The following CHPT1 variants were observed in gnomAD, a reference collection of about 807,000 sequenced individuals.
The protein encoded by CHPT1 is cholinephosphotransferase 1.
Under a neutral mutation model 47.6 loss-of-function variants are expected in CHPT1, and 36 were observed. That is an observed-to-expected ratio of 0.76 (90% confidence interval 0.58 to 1.00). CHPT1 has a LOEUF of 1.00. CHPT1 is among the 50% of genes least tolerant of loss of function. The pLI, the probability that CHPT1 is intolerant of heterozygous loss-of-function variation, is 0.00. For missense variants in CHPT1, 458 were observed against 498.1 expected (o/e 0.92, Z 0.77); for synonymous variants, 194 against 186.3 (o/e 1.04, Z -0.33).
intron 3 of CHPT1, 59 bp from the exon 4 acceptor site, chr12:101,716,669 T>C: frequency 9.4e-7 from 1 of 1,061,876 alleles, no homozygotes; most frequent in Admixed American, 2.2e-5. Context: ...GTGATGAACC[T>C]CCATATTCAG....
chr12:101,721,495 A>G (rs951403469), intron 5 of CHPT1, among the ~76,000 whole-genome samples: 17 of 152,214 alleles, frequency 1.1e-4, no homozygotes, highest in Admixed American at 9.8e-4. Flanking sequence ...GACAATTTCA[A>G]AGGGATCCTC....
chr12:101,720,193 G>T lies in CHPT1; in HGVS notation c.719G>T (p.Cys240Phe). Reference protein sequence around the residue: ...LGFLGGVIFSCSNYFHVILHG... With the variant: ...LGFLGGVIFSFSNYFHVILHG... Reference sequence around the variant, plus strand: ...TTTCTAGGTGGAGTAATATTTTCCTGTTCAAATTATTTCCATGTTATCCTC... The same window carrying T: ...TTTCTAGGTGGAGTAATATTTTCCTTTTCAAATTATTTCCATGTTATCCTC... The change falls in exon 5 of 9, where the codon TGT becomes TTT. Residue 240 changes from cysteine (C) to phenylalanine (F), a missense_variant. Cys to Phe is a radical substitution (Grantham distance 205, BLOSUM62 -2). Coordinates refer to ENST00000229266, the MANE Select transcript of CHPT1 (RefSeq NM_020244.3). The T allele has an allele frequency of 6.2e-7, 1 of 1,601,540 alleles. No individual in the cohort carries two copies. The highest frequency in any genetic ancestry group is 8.5e-7 in the Non-Finnish European group (1 of 1,173,110).
At chr12:101,714,760 A>C in intron 3 of CHPT1, 115 bp downstream of exon 3, 1 of 1,090,488 alleles carries the variant, frequency 9.2e-7, no homozygotes, top group Non-Finnish European at 1.3e-6. Context: ...AACTTAAATT[A>C]ATTCGTCGGA....
chr12:101,709,174 T>C (rs1335022327), intron 1 of CHPT1, among the ~76,000 whole-genome samples: 3 of 147,840 alleles, frequency 2.0e-5, no homozygotes, highest in African/African-American at 7.3e-5. Flanking sequence ...GGCAGAAGGA[T>C]AGTTTGAGGC....
At chr12:101,721,494 A>G (rs1467473125) in intron 5 of CHPT1, among the ~76,000 whole-genome samples, 1 of 152,226 alleles carries the variant, frequency 6.6e-6, no homozygotes, top group African/African-American at 2.4e-5. Flanking sequence ...AGACAATTTC[A>G]AAGGGATCCT....
At chr12:101,720,033 T>C (rs1951826374) in intron 4 of CHPT1, 90 bp from the exon 5 acceptor site, 1 of 745,554 alleles carries the variant, frequency 1.3e-6, no homozygotes, top group Non-Finnish European at 2.0e-6. Context: ...GGATAGCTTA[T>C]TGTACAGGGC....
At chr12:101,716,379 G>T (rs1951763618) in intron 3 of CHPT1, among the ~76,000 whole-genome samples, 1 of 152,004 alleles carries the variant, frequency 6.6e-6, no homozygotes, top group African/African-American at 2.4e-5. Context: ...TTTTCCTTAT[G>T]TACACAAGTA....
intron 3 of CHPT1, 72 bp from the exon 4 acceptor site, chr12:101,716,656 T>TA: frequency 1.2e-6 from 1 of 868,432 alleles, no homozygotes; most frequent in Non-Finnish European, 1.8e-6. Flanking sequence ...TGCTATTTAA[T>TA]ATGTGATGAA....
At position 101,719,950 on chromosome 12, in the gene CHPT1, AAAGT is replaced by A. The variant is rs1173747386; in HGVS notation, c.649-172_649-169del. On this transcript the variant is annotated intron_variant, in intron 4 of 8. Coordinates refer to ENST00000229266, the MANE Select transcript of CHPT1 (RefSeq NM_020244.3). ...AATAAAAATTTAAAAACTAAAAAAA[AAAGT>A]TAAAAAAAAGTTTTTAAGTTATCAC... The A allele has an allele frequency of 9.6e-6, 3 of 311,102 alleles. No individual in the cohort carries two copies. The African/African-American group carries it at 1.3e-4, about 13-fold the overall frequency. The allele number at this position is 311,102 out of a possible 1,614,324, so 19.3% of individuals were successfully genotyped here.
chr12:101,723,705 G>T lies in CHPT1; in HGVS notation c.940-17G>T, dbSNP rs1566043603. The T allele has an allele frequency of 1.4e-6, 2 of 1,426,036 alleles. No individual in the cohort carries two copies. Among genetic ancestry groups the T allele is most frequent in the Non-Finnish European group, 9.4e-7 (1 of 1,058,976 alleles). The allele number at this position is 1,426,036 out of a possible 1,614,324, so 88.3% of individuals were successfully genotyped here. ...TAAAACTTAATAGTAAAATTATTTT[G>T]TTTAATTTTTTTATAGGTAGCTCAC... On this transcript the variant is annotated splice_polypyrimidine_tract_variant and intron_variant, in intron 6 of 8. Coordinates refer to ENST00000229266, the MANE Select transcript of CHPT1 (RefSeq NM_020244.3).
chr12:101,698,284 T>G, intron 1 of CHPT1, 150 bp downstream of exon 1: 8 of 1,162,872 alleles, frequency 6.9e-6, no homozygotes, highest in Non-Finnish European at 8.9e-6. Context: ...GTGTCCGCCC[T>G]GGGCCGCCTG....
At chr12:101,715,316 GCCTACTGATTCTTTTTAGC>G (rs1454683403) in intron 3 of CHPT1, among the ~76,000 whole-genome samples, 2 of 152,054 alleles carry the variant, frequency 1.3e-5, no homozygotes, top group Non-Finnish European at 1.5e-5. Flanking sequence ...GGCTTCCCAT[GCCTACTGATTCTTTTTAGC>G]CCCACTTTAT....
In CHPT1 at chr12:101,697,898, T is replaced by C; in HGVS notation, c.37T>C (p.Trp13Arg). ...AGAGAGSAPR[W>R]LRALSEPLSA... ...CGCCGGGGCCGGGTCCGCGCCGCGC[T>C]GGCTGAGGGCGCTGAGCGAGCCGCT... Residue 13 changes from tryptophan (W) to arginine (R), a missense_variant, in exon 1 of 9, where the codon TGG becomes CGG. Trp to Arg is a moderately radical substitution (Grantham distance 101, BLOSUM62 -3). Transcript: ENST00000229266. 7.1e-6 allele frequency: 9 copies of C among 1,270,988 alleles called. No homozygotes were observed. Among genetic ancestry groups the C allele is most frequent in the Non-Finnish European group, 8.9e-6 (9 of 1,010,354 alleles). 78.7% of individuals were successfully genotyped at this position (1,270,988 alleles called of 1,614,324 possible).
intron 1 of CHPT1, among the ~76,000 whole-genome samples, chr12:101,702,644 C>CT (rs77256621): frequency 6.6e-6 from 1 of 151,334 alleles, no homozygotes; most frequent in Non-Finnish European, 1.5e-5. Context: ...CCTACTCAGA[C>CT]TTTTTTTTAT....
At chr12:101,705,149 G>C (rs1417071254) in intron 1 of CHPT1, among the ~76,000 whole-genome samples, 17 of 135,076 alleles carry the variant, frequency 1.3e-4, no homozygotes, top group South Asian at 6.8e-4. Flanking sequence ...CTGCAACCTT[G>C]GCCTACTGTC....
At chr12:101,716,962 AT>A (rs1276191420) in intron 4 of CHPT1, 150 bp downstream of exon 4, 12 of 549,216 alleles carry the variant, frequency 2.2e-5, no homozygotes, top group Non-Finnish European at 3.4e-5. Flanking sequence ...ATTTCTTAAC[AT>A]TTTTTTCTTC....
chr12:101,714,825 G>A (rs1450166777), intron 3 of CHPT1, 180 bp downstream of exon 3: 3 of 450,330 alleles, frequency 6.7e-6, no homozygotes, highest in African/African-American at 6.1e-5. Context: ...GTTATAAATA[G>A]TTACATTATT....
At chr12:101,705,959 C>T (rs1951625845) in intron 1 of CHPT1, among the ~76,000 whole-genome samples, 1 of 151,968 alleles carries the variant, frequency 6.6e-6, no homozygotes, top group Non-Finnish European at 1.5e-5. Flanking sequence ...CTCCTGGCCT[C>T]AAGTGATCTG....
intron 2 of CHPT1, 77 bp from the exon 3 acceptor site, chr12:101,714,427 A>G: frequency 3.1e-6 from 4 of 1,301,094 alleles, no homozygotes; most frequent in Non-Finnish European, 4.2e-6. Context: ...AGAGCTCTGT[A>G]TTTCTAAACA....
Sources: gnomAD v4.1 joint callset for allele counts (sites outside exome capture counted in the v4.1 genomes callset) on GRCh38, gnomAD v4.1.1 for gene constraint, MANE v1.5 for transcripts, NCBI Gene and HGNC (gene_info 2026-07-23, HGNC 2026-07-21) for gene names.